Variants in ITGA8 observed in about 807,000 individuals in gnomAD.
The protein encoded by ITGA8 is integrin subunit alpha 8.
ITGA8 carries 91 observed loss-of-function variants against 142.3 expected under a neutral mutation model. The ratio of observed to expected loss-of-function variants is 0.64; its 90% CI spans 0.54 to 0.76. The LOEUF (loss-of-function observed/expected upper bound fraction) is 0.76. Ranked by LOEUF, ITGA8 falls within the 30% of genes least tolerant of loss-of-function variation. The pLI, the probability that ITGA8 is intolerant of heterozygous loss-of-function variation, is 0.00. For synonymous variants in ITGA8, 505 were observed against 485.2 expected, an observed-to-expected ratio of 1.04 and a Z score of -0.54; for missense variants, 1,406 against 1,327.7, an observed-to-expected ratio of 1.06 and a Z score of -0.92.
intron 6 of ITGA8, among the ~76,000 whole-genome samples, chr10:15,674,300 A>G (rs1035499278): frequency 5.3e-5 from 8 of 152,198 alleles, no homozygotes; most frequent in African/African-American, 1.9e-4. Flanking sequence ...AGCTATGTCT[A>G]TACACATATA....
intron 23 of ITGA8, among the ~76,000 whole-genome samples, chr10:15,584,686 C>CA (rs528754702): frequency 3.2e-4 from 49 of 152,160 alleles, no homozygotes; most frequent in South Asian, 1.2e-3. Context: ...AAGATATGTA[C>CA]AAAAAACAAT....
intron 20 of ITGA8, 30 bp from the exon 21 acceptor site, chr10:15,597,329 G>A (rs746685633): frequency 1.1e-5 from 18 of 1,571,178 alleles, no homozygotes; most frequent in Non-Finnish European, 1.1e-5. Flanking sequence ...GGGGTTTAGG[G>A]GGCAGGATAA....
rs369995272 is a variant in ITGA8, at chr10:15,659,001, G to C, written c.946C>G (p.Gln316Glu). The change falls in exon 10 of 30, where the codon CAG becomes GAG. Residue 316 changes from glutamine (Q) to glutamate (E), a missense_variant and splice_region_variant. By Grantham distance (29) the Gln-to-Glu change is conservative. Coordinates refer to ENST00000378076, the MANE Select transcript of ITGA8 (RefSeq NM_003638.3). ...MTFIQNFTGE[Q>E]MASYFGYTVV... ...ATTTGATATTAAAATGTCTCTACCT[G>C]TTCTCCCGTGAAATTCTGAATAAAC... 4.4e-6 allele frequency: 7 copies of C among 1,589,256 alleles called. No homozygotes were observed. The highest frequency in any genetic ancestry group is 6.0e-6 in the Non-Finnish European group (7 of 1,160,354).
At chr10:15,588,635 C>T (rs1832872327) in intron 22 of ITGA8, among the ~76,000 whole-genome samples, 1 of 152,194 alleles carries the variant, frequency 6.6e-6, no homozygotes, top group African/African-American at 2.4e-5. Flanking sequence ...TTCTAGTTCA[C>T]TACTGCTTGG....
intron 14 of ITGA8, among the ~76,000 whole-genome samples, chr10:15,614,496 C>T (rs932795292): frequency 3.3e-5 from 5 of 152,022 alleles, no homozygotes; most frequent in African/African-American, 1.2e-4. Flanking sequence ...TAATATGTAG[C>T]CAAATTTGAG....
At chr10:15,684,660 A>G (rs1834802882) in intron 3 of ITGA8, among the ~76,000 whole-genome samples, 1 of 150,114 alleles carries the variant, frequency 6.7e-6, no homozygotes, top group African/African-American at 2.4e-5. Flanking sequence ...GGGAAGAGCC[A>G]CAGCACCTAG....
chr10:15,525,459 A>G (rs895387145), intron 28 of ITGA8, among the ~76,000 whole-genome samples: 3 of 151,994 alleles, frequency 2.0e-5, no homozygotes, highest in African/African-American at 7.2e-5. Context: ...CCTGGCCAAC[A>G]TGATGAAACC....
At chr10:15,576,477 G>T (rs1834300318) in intron 23 of ITGA8, among the ~76,000 whole-genome samples, 1 of 152,096 alleles carries the variant, frequency 6.6e-6, no homozygotes, top group Non-Finnish European at 1.5e-5. Context: ...GCAGTTTTTA[G>T]GTAAAACATG....
chr10:15,531,703 C>T (rs561374321), intron 27 of ITGA8, among the ~76,000 whole-genome samples: 27 of 151,908 alleles, frequency 1.8e-4, no homozygotes, highest in Admixed American at 1.5e-3. Context: ...TTTGGGAGGC[C>T]GAGGCCGGTG....
chr10:15,668,970 C>G (rs1241165236), intron 8 of ITGA8, among the ~76,000 whole-genome samples: 1 of 152,180 alleles, frequency 6.6e-6, no homozygotes, highest in Non-Finnish European at 1.5e-5. Flanking sequence ...TTCATTTCAA[C>G]TTTGGTGAAT....
chr10:15,548,559 T>C lies in ITGA8; in HGVS notation c.2776A>G (p.Asn926Asp). Residue 926 changes from asparagine to aspartate, a missense_variant, in exon 27 of 30, where the codon AAT becomes GAT. By Grantham distance (23) the Asn-to-Asp change is conservative. Coordinates refer to ENST00000378076, the MANE Select transcript of ITGA8 (RefSeq NM_003638.3). ...QSPAKILNCT[N>D]IECLQISCAV... ...CAGGAGATTTGTAAACACTCGATAT[T>C]TGTACAATTCTGCAAACAGCAGTGG... is the stretch of plus-strand genomic sequence containing the variant. The C allele has an allele frequency of 6.2e-7, 1 of 1,610,108 alleles. No individual in the cohort carries two copies. Among genetic ancestry groups the C allele is most frequent in the Non-Finnish European group, 8.5e-7 (1 of 1,177,640 alleles).
intron 2 of ITGA8, among the ~76,000 whole-genome samples, chr10:15,708,899 T>C (rs571107430): frequency 3.3e-5 from 5 of 152,312 alleles, no homozygotes; most frequent in Non-Finnish European, 4.4e-5. Context: ...CTGTGTGGCT[T>C]GAACTGGCCA....
At chr10:15,712,691 G>A (rs893282681) in intron 2 of ITGA8, among the ~76,000 whole-genome samples, 12 of 152,264 alleles carry the variant, frequency 7.9e-5, no homozygotes, top group Middle Eastern at 3.4e-3. Flanking sequence ...GAGCTTTTTC[G>A]TAAAGTTGGC....
chr10:15,690,889 A>ATT (rs1834921706), intron 2 of ITGA8, among the ~76,000 whole-genome samples: 1 of 152,168 alleles, frequency 6.6e-6, no homozygotes, highest in South Asian at 2.1e-4. Flanking sequence ...ACAGCCAAGG[A>ATT]AACAACCAAC....
intron 26 of ITGA8, among the ~76,000 whole-genome samples, chr10:15,552,895 AT>A (rs1434534915): frequency 2.0e-5 from 3 of 152,192 alleles, no homozygotes; most frequent in Non-Finnish European, 4.4e-5. Context: ...AGCTTTATTA[AT>A]TTATCCTAAA....
chr10:15,663,296 T>C (rs1005178531), intron 8 of ITGA8, among the ~76,000 whole-genome samples: 6 of 152,166 alleles, frequency 3.9e-5, no homozygotes, highest in Non-Finnish European at 8.8e-5. Context: ...TTTTCAGATA[T>C]TTTATTTTAG....
At chr10:15,564,980 C>G (rs905787467) in intron 25 of ITGA8, among the ~76,000 whole-genome samples, 3 of 152,028 alleles carry the variant, frequency 2.0e-5, no homozygotes, top group Non-Finnish European at 4.4e-5. Context: ...AAAGTTCATG[C>G]AAAGCACAAC....
chr10:15,673,846 A>G (rs1426471434), intron 6 of ITGA8, among the ~76,000 whole-genome samples: 1 of 148,786 alleles, frequency 6.7e-6, no homozygotes, highest in Non-Finnish European at 1.5e-5. Context: ...TCACTGTCAG[A>G]AGTCTTGAAA....
At chr10:15,617,650 C>A (rs1205871118) in intron 13 of ITGA8, among the ~76,000 whole-genome samples, 1 of 152,042 alleles carries the variant, frequency 6.6e-6, no homozygotes, top group Non-Finnish European at 1.5e-5. Flanking sequence ...CCACCCGCCT[C>A]GGCCTCCCAA....
Sources: gnomAD v4.1 joint callset for allele counts (sites outside exome capture counted in the v4.1 genomes callset) on GRCh38, gnomAD v4.1.1 for gene constraint, MANE v1.5 for transcripts, NCBI Gene and HGNC (gene_info 2026-07-23, HGNC 2026-07-21) for gene names.